The following ARHGAP15 variants were observed in gnomAD, a reference collection of about 807,000 sequenced individuals.
The protein encoded by ARHGAP15 is rho GTPase-activating protein 15.
A neutral mutation model predicts 63.7 loss-of-function variants in ARHGAP15; 51 were observed. That is an observed-to-expected ratio of 0.80 (90% confidence interval 0.64 to 1.01). The LOEUF (loss-of-function observed/expected upper bound fraction) is 1.01, where lower values mean the gene tolerates loss of function less well. Ranked by LOEUF, ARHGAP15 falls within the 50% of genes least tolerant of loss-of-function variation. The pLI is 0.00. For synonymous variants in ARHGAP15, 191 were observed against 193.8 expected (o/e 0.99, Z 0.12); for missense variants, 560 against 564.6 (o/e 0.99, Z 0.08).
intron 10 of ARHGAP15, among the ~76,000 whole-genome samples, chr2:143,542,848 T>TG (rs1198463968): frequency 8.4e-4 from 109 of 129,934 alleles, no homozygotes; most frequent in African/African-American, 2.9e-3. Flanking sequence ...GTATATATGA[T>TG]ATATATAATA....
intron 6 of ARHGAP15, among the ~76,000 whole-genome samples, chr2:143,276,619 G>T (rs1024237049): frequency 1.3e-5 from 2 of 152,008 alleles, no homozygotes; most frequent in Non-Finnish European, 2.9e-5. Context: ...TCTTTGTAAA[G>T]CAGGGGCCAC....
In ARHGAP15 at chr2:143,171,103, C is replaced by T. The variant is rs116511578; in HGVS notation, c.165+15448C>T. Among the ~76,000 whole-genome samples, 1,162 of 151,976 alleles carry T rather than the reference C, an allele frequency of 7.6e-3. 14 individuals are homozygous for T. The highest frequency in any genetic ancestry group is 0.026 in the African/African-American group (1,097 of 41,474). ...ACAAAAAAATAGAATTTAGAGATACCTCATAGTCATAAAGCTAAAGGAGCT... is the reference window on the plus strand; with the variant it reads ...ACAAAAAAATAGAATTTAGAGATACTTCATAGTCATAAAGCTAAAGGAGCT... On this transcript the variant is annotated intron_variant, in intron 2 of 13. Coordinates refer to ENST00000295095, the MANE Select transcript of ARHGAP15 (RefSeq NM_018460.4).
At chr2:143,535,156 G>A (rs1377638480) in intron 10 of ARHGAP15, among the ~76,000 whole-genome samples, 1 of 151,946 alleles carries the variant, frequency 6.6e-6, no homozygotes, top group Non-Finnish European at 1.5e-5. Flanking sequence ...GTGTCTTGGT[G>A]TGTCCAAAAT....
At chr2:143,136,531 G>C (rs1689149684) in intron 1 of ARHGAP15, among the ~76,000 whole-genome samples, 1 of 151,960 alleles carries the variant, frequency 6.6e-6, no homozygotes, top group African/African-American at 2.4e-5. Flanking sequence ...AGGTTGAAGA[G>C]GTGGCAATGT....
chr2:143,708,348 T>C (rs1159799628), intron 13 of ARHGAP15, among the ~76,000 whole-genome samples: 1 of 152,210 alleles, frequency 6.6e-6, no homozygotes, highest in Non-Finnish European at 1.5e-5. Flanking sequence ...TAATTATTAA[T>C]GAAATAAATA....
intron 6 of ARHGAP15, among the ~76,000 whole-genome samples, chr2:143,321,369 C>T (rs1408059974): frequency 2.6e-5 from 4 of 152,356 alleles, no homozygotes; most frequent in Admixed American, 2.0e-4. Context: ...CTTTGCTCTC[C>T]TCTTGTCCAC....
chr2:143,675,565 A>G (rs1199758173), intron 12 of ARHGAP15, among the ~76,000 whole-genome samples: 1 of 152,186 alleles, frequency 6.6e-6, no homozygotes, highest in Non-Finnish European at 1.5e-5. Flanking sequence ...CAGAATGTAT[A>G]TTGTGTTAGC....
intron 11 of ARHGAP15, among the ~76,000 whole-genome samples, chr2:143,579,412 A>G (rs971391407): frequency 3.3e-5 from 5 of 152,176 alleles, no homozygotes; most frequent in Non-Finnish European, 5.9e-5. Flanking sequence ...AAATTTGAGT[A>G]CCATGTTTTT....
chr2:143,206,478 G>A (rs1427896261), intron 3 of ARHGAP15, among the ~76,000 whole-genome samples: 2 of 151,952 alleles, frequency 1.3e-5, no homozygotes, highest in South Asian at 2.1e-4. Flanking sequence ...TAATTACGTG[G>A]ATCTCAACTT....
intron 12 of ARHGAP15, among the ~76,000 whole-genome samples, chr2:143,687,418 T>C (rs543986917): frequency 1.3e-5 from 2 of 152,314 alleles, no homozygotes; most frequent in East Asian, 3.9e-4. Flanking sequence ...AATTAGAATA[T>C]GAAACTAGAA....
chr2:143,152,329 C>A (rs1328620452), intron 1 of ARHGAP15, among the ~76,000 whole-genome samples: 21 of 151,968 alleles, frequency 1.4e-4, no homozygotes, highest in Admixed American at 1.4e-3. Flanking sequence ...CTTTGCATTG[C>A]CAAATCCTTT....
At chr2:143,249,202 A>G (rs1680009102) in intron 5 of ARHGAP15, among the ~76,000 whole-genome samples, 1 of 152,170 alleles carries the variant, frequency 6.6e-6, no homozygotes, top group Non-Finnish European at 1.5e-5. Context: ...ACAACAACAA[A>G]AAAGGTAGAT....
intron 6 of ARHGAP15, among the ~76,000 whole-genome samples, chr2:143,358,532 TAAAAA>T (rs534366994): frequency 6.9e-6 from 1 of 145,090 alleles, no homozygotes; most frequent in Non-Finnish European, 1.5e-5. Context: ...ATATGTAAAG[TAAAAA>T]AAAAAGAGGA....
chr2:143,436,276 T>G (rs1479612409), intron 7 of ARHGAP15, among the ~76,000 whole-genome samples: 1 of 152,182 alleles, frequency 6.6e-6, no homozygotes, highest in African/African-American at 2.4e-5. Context: ...CATTTAATTT[T>G]ATGACACTAA....
chr2:143,566,830 C>T (rs1696244733), intron 11 of ARHGAP15, among the ~76,000 whole-genome samples: 1 of 152,048 alleles, frequency 6.6e-6, no homozygotes, highest in South Asian at 2.1e-4. Flanking sequence ...CAGCCACTAC[C>T]TTTCCCAGTA....
At chr2:143,721,604 C>G (rs1264084701) in intron 13 of ARHGAP15, among the ~76,000 whole-genome samples, 3 of 152,104 alleles carry the variant, frequency 2.0e-5, no homozygotes, top group Admixed American at 2.0e-4. Context: ...AAAGCTTAAC[C>G]TATGAACAAG....
At chr2:143,714,079 A>G (rs554043018) in intron 13 of ARHGAP15, among the ~76,000 whole-genome samples, 33 of 152,304 alleles carry the variant, frequency 2.2e-4, no homozygotes, top group African/African-American at 7.0e-4. Context: ...CCCTTCCGCA[A>G]TGCCCTAGCA....
intron 13 of ARHGAP15, among the ~76,000 whole-genome samples, chr2:143,752,978 CAAAAA>C (rs1434448546): frequency 1.3e-5 from 2 of 151,986 alleles, no homozygotes; most frequent in African/African-American, 2.4e-5. Context: ...CTCTACAAAA[CAAAAA>C]AATTTTTTTT....
chr2:143,456,272 A>T (rs1192306045), intron 8 of ARHGAP15, among the ~76,000 whole-genome samples: 2 of 152,156 alleles, frequency 1.3e-5, no homozygotes. Flanking sequence ...CAAATATAAC[A>T]GTCCATACAA....
Sources: gnomAD v4.1 joint callset for allele counts (sites outside exome capture counted in the v4.1 genomes callset) on GRCh38, gnomAD v4.1.1 for gene constraint, MANE v1.5 for transcripts, NCBI Gene and HGNC (gene_info 2026-07-23, HGNC 2026-07-21) for gene names.